The following LRMDA variants were observed in gnomAD, a reference collection of about 807,000 sequenced individuals.
The protein encoded by LRMDA is leucine-rich melanocyte differentiation-associated protein.
A neutral mutation model predicts 29.8 loss-of-function variants in LRMDA; 18 were observed. The observed-to-expected ratio is 0.60, with a 90% CI of 0.42 to 0.90. The LOEUF is 0.90. Ranked by LOEUF, LRMDA falls within the 40% of genes least tolerant of loss-of-function variation. The probability of loss-of-function intolerance (pLI) is 0.00; values close to 1 mark genes in which losing one functional copy is unlikely to be tolerated. For synonymous variants in LRMDA, 125 were observed against 109.4 expected (o/e 1.14, Z -0.89); for missense variants, 273 against 273.9 (o/e 1.00, Z 0.02).
At chr10:76,141,431 C>G (rs545666633) in intron 5 of LRMDA, among the ~76,000 whole-genome samples, 2 of 152,088 alleles carry the variant, frequency 1.3e-5, no homozygotes, top group South Asian at 2.1e-4. Context: ...AGTTGAGAAC[C>G]TCTTTTAATG....
intron 6 of LRMDA, among the ~76,000 whole-genome samples, chr10:76,414,377 G>C (rs193023925): frequency 6.6e-6 from 1 of 152,064 alleles, no homozygotes; most frequent in Non-Finnish European, 1.5e-5. Context: ...AAATTATGAA[G>C]TTATGGTGCT....
intron 2 of LRMDA, among the ~76,000 whole-genome samples, chr10:75,748,881 TTTATATC>T (rs1842919986): frequency 1.3e-5 from 2 of 152,318 alleles, no homozygotes; most frequent in South Asian, 2.1e-4. Flanking sequence ...TTATGCAACT[TTTATATC>T]TGATATATAC....
chr10:75,605,351 C>T (rs1400996871), intron 2 of LRMDA, among the ~76,000 whole-genome samples: 1 of 152,172 alleles, frequency 6.6e-6, no homozygotes, highest in Non-Finnish European at 1.5e-5. Flanking sequence ...CTGTAGTTTA[C>T]ACCAGTCTTC....
At chr10:76,450,123 G>T (rs1842391824) in intron 6 of LRMDA, among the ~76,000 whole-genome samples, 1 of 151,928 alleles carries the variant, frequency 6.6e-6, no homozygotes, top group Non-Finnish European at 1.5e-5. Context: ...TGCTTTCTCA[G>T]GAAGAGAATA....
At chr10:76,453,712 A>T (rs1472951661) in intron 6 of LRMDA, among the ~76,000 whole-genome samples, 2 of 152,222 alleles carry the variant, frequency 1.3e-5, no homozygotes, top group East Asian at 3.8e-4. Flanking sequence ...TAAATAGAAG[A>T]TCACATGGAT....
intron 2 of LRMDA, among the ~76,000 whole-genome samples, chr10:75,466,392 G>C (rs1343926449): frequency 6.6e-6 from 1 of 152,070 alleles, no homozygotes; most frequent in Non-Finnish European, 1.5e-5. Context: ...GGATGGGGTG[G>C]GTCTGTGGGG....
intron 5 of LRMDA, among the ~76,000 whole-genome samples, chr10:76,104,944 T>C (rs950047190): frequency 2.6e-5 from 4 of 152,184 alleles, no homozygotes; most frequent in African/African-American, 9.7e-5. Context: ...AAGCTCCTGC[T>C]CCAGGCCTTT....
At chr10:75,722,902 C>G (rs1045249786) in intron 2 of LRMDA, among the ~76,000 whole-genome samples, 6 of 152,260 alleles carry the variant, frequency 3.9e-5, no homozygotes, top group African/African-American at 1.4e-4. Flanking sequence ...CTTATATAGC[C>G]TGGGAGGTCA....
intron 2 of LRMDA, among the ~76,000 whole-genome samples, chr10:75,763,682 A>G (rs951812497): frequency 6.7e-6 from 1 of 149,412 alleles, no homozygotes; most frequent in Non-Finnish European, 1.5e-5. Context: ...AGTTCTAGCT[A>G]TTTCAAATCA....
chr10:75,465,733 C>G (rs754645677), intron 2 of LRMDA, among the ~76,000 whole-genome samples: 1 of 152,202 alleles, frequency 6.6e-6, no homozygotes, highest in Non-Finnish European at 1.5e-5. Context: ...TCCTTCCCCC[C>G]TTCCCCCAAT....
intron 3 of LRMDA, among the ~76,000 whole-genome samples, chr10:76,043,351 C>G (rs1230121165): frequency 3.3e-5 from 5 of 152,076 alleles, no homozygotes; most frequent in Admixed American, 1.3e-4. Context: ...TTTAACTAGA[C>G]ACAGAAGTGA....
intron 2 of LRMDA, among the ~76,000 whole-genome samples, chr10:75,986,585 A>T (rs188768115): frequency 6.6e-6 from 1 of 152,376 alleles, no homozygotes; most frequent in East Asian, 1.9e-4. Flanking sequence ...ACACTAGTAT[A>T]GTATTGAACA....
At chr10:75,562,632 C>G (rs1357991616) in intron 2 of LRMDA, among the ~76,000 whole-genome samples, 1 of 152,086 alleles carries the variant, frequency 6.6e-6, no homozygotes, top group African/African-American at 2.4e-5. Context: ...CCTCGATGGT[C>G]TTTACATTTT....
intron 2 of LRMDA, among the ~76,000 whole-genome samples, chr10:75,687,659 A>G (rs1410049802): frequency 1.3e-5 from 2 of 152,272 alleles, no homozygotes; most frequent in East Asian, 3.8e-4. Flanking sequence ...GAAGGTAGCT[A>G]CACTAAACAA....
At chr10:76,320,191 C>A (rs1447657250) in intron 5 of LRMDA, among the ~76,000 whole-genome samples, 2 of 152,190 alleles carry the variant, frequency 1.3e-5, no homozygotes, top group East Asian at 3.9e-4. Context: ...GTTCTACCTT[C>A]CTTCTTTCCA....
chr10:76,236,447 G>A (rs751293399), intron 5 of LRMDA, among the ~76,000 whole-genome samples: 4 of 152,178 alleles, frequency 2.6e-5, no homozygotes, highest in Non-Finnish European at 4.4e-5. Context: ...AACAGCTAAT[G>A]CTAACCATTT....
chr10:75,828,362 A>G (rs1305649701), intron 2 of LRMDA, among the ~76,000 whole-genome samples: 5 of 152,170 alleles, frequency 3.3e-5, no homozygotes, highest in African/African-American at 1.2e-4. Context: ...TTTAGCAGGC[A>G]TTTTCTTTAC....
intron 3 of LRMDA, among the ~76,000 whole-genome samples, chr10:76,038,645 T>C (rs988803390): frequency 1.3e-5 from 2 of 152,232 alleles, no homozygotes; most frequent in Admixed American, 1.3e-4. Context: ...TGCTATCTTC[T>C]CAACCCAGCA....
chr10:75,600,741 T>A (rs759717085), intron 2 of LRMDA, among the ~76,000 whole-genome samples: 82 of 152,282 alleles, frequency 5.4e-4, no homozygotes, highest in East Asian at 1.4e-3. Context: ...AATCCACCCA[T>A]GAGATTTATC....
Sources: gnomAD v4.1 joint callset for allele counts (sites outside exome capture counted in the v4.1 genomes callset) on GRCh38, gnomAD v4.1.1 for gene constraint, MANE v1.5 for transcripts, NCBI Gene and HGNC (gene_info 2026-07-23, HGNC 2026-07-21) for gene names.